WDR73: variants seen among roughly 807,000 people sequenced by gnomAD.
WDR73 encodes WD repeat domain 73, also known as integrator complex assembly factor WDR73.
WDR73 carries 30 observed loss-of-function variants against 38.2 expected under a neutral mutation model. The ratio of observed to expected loss-of-function variants is 0.79; its 90% CI spans 0.59 to 1.06. The LOEUF (loss-of-function observed/expected upper bound fraction) is 1.06. Ranked by LOEUF, WDR73 falls within the 50% of genes least tolerant of loss-of-function variation. WDR73 has a pLI of 0.00. For missense variants in WDR73, 487 were observed against 467.0 expected (o/e 1.04, Z -0.40); for synonymous variants, 197 against 176.0 (o/e 1.12, Z -0.94).
rs1253447388 is a variant in WDR73, at chr15:84,648,615, G to C, written c.209C>G (p.Pro70Arg). 6.2e-7 allele frequency: 1 copy of C among 1,613,358 alleles called. No homozygotes were observed. Among genetic ancestry groups the C allele is most frequent in the African/African-American group, 1.3e-5 (1 of 74,910 alleles). Residue 70 changes from proline to arginine, a missense_variant, in exon 4 of 8, where the codon CCA (proline) becomes CGA (arginine). Pro to Arg is a moderately radical substitution (Grantham distance 103). Transcript: ENST00000434634. ...ATGGCGCACTTTGAAATCTCTTTCT[G>C]GGAATAAGCCCTAAAATACAAAGGA... is the stretch of plus-strand genomic sequence containing the variant. ...LSVKENKGLF[P>R]ERDFKVRHGG... is the part of the protein sequence containing the mutation.
chr15:84,646,552 T>C (rs1446856445), intron 5 of WDR73: 12 of 794,960 alleles, frequency 1.5e-5, no homozygotes, highest in Non-Finnish European at 2.2e-5. Flanking sequence ...TTCTTTATTA[T>C]TTGTCTTATA....
intron 5 of WDR73, 115 bp downstream of exon 5, chr15:84,647,775 G>T: frequency 9.8e-7 from 1 of 1,016,426 alleles, no homozygotes; most frequent in Non-Finnish European, 1.5e-6. Flanking sequence ...ACAATTACAG[G>T]CATGAGACTG....
At position 84,648,996 on chromosome 15, in the gene WDR73, C is replaced by T. The variant is rs141323112; in HGVS notation, c.199-371G>A. ...CTGGAAGTCAGGTGGGTTCCTCTAA[C>T]GATAAAAATTAACAATTACAACTTA... On this transcript the variant is annotated intron_variant, in intron 3 of 7. Transcript: ENST00000434634. 4.0e-3 allele frequency among the ~76,000 whole-genome samples: 610 copies of T among 152,298 alleles called. 3 individuals carry two copies. The highest frequency in any genetic ancestry group is 0.014 in the African/African-American group (576 of 41,558).
chr15:84,652,473 TA>T (rs1896654629), intron 3 of WDR73, among the ~76,000 whole-genome samples: 1 of 152,184 alleles, frequency 6.6e-6, no homozygotes, highest in African/African-American at 2.4e-5. Flanking sequence ...AATCGCTCCC[TA>T]AATCTATTTC....
Position 84,643,677 on chromosome 15 carries a change from T to G in WDR73, c.930A>C (p.Gly310=). ...VQVYDATSWD[G]TRSQDGTRSQ... ...TCCGTGTTCCATCTTGGCTCCGTGT[T>G]CCATCCCAAGATGTGGCATCATAGA... is the stretch of plus-strand genomic sequence containing the variant. The change falls in exon 8 of 8, where the codon GGA becomes GGC. Residue 310 remains glycine, a synonymous_variant. Coordinates refer to ENST00000434634, the MANE Select transcript of WDR73 (RefSeq NM_032856.5). The G allele has an allele frequency of 6.6e-7, 1 of 1,518,808 alleles. No individual in the cohort carries two copies. The highest frequency in any genetic ancestry group is 1.2e-5 in the South Asian group (1 of 84,626). The allele number at this position is 1,518,808 out of a possible 1,614,324, so 94.1% of individuals were successfully genotyped here.
Position 84,643,607 on chromosome 15 carries a change from C to G in WDR73, c.1000G>C (p.Asp334His), listed in dbSNP as rs1306561580. 1 of 1,612,864 alleles carries G rather than the reference C, an allele frequency of 6.2e-7. No homozygotes were observed. The highest frequency in any genetic ancestry group is 2.2e-5 in the East Asian group (1 of 44,864). The change falls in exon 8 of 8, where the codon GAT becomes CAT. Residue 334 changes from aspartate to histidine, a missense_variant. Asp to His is a moderately conservative substitution (Grantham distance 81). Transcript: ENST00000434634. ...LFTHRGHIFL[D>H]GNGMDPAPLV... ...GGAGCAGGGTCCATCCCATTTCCAT[C>G]TAGGAAGATGTGACCTCTGTGAGTG...
intron 1 of WDR73, chr15:84,653,993 T>C: frequency 1.6e-6 from 1 of 608,414 alleles, no homozygotes; most frequent in East Asian, 2.8e-5. Context: ...GCAAACTAAC[T>C]GGGCACTGCG....
intron 3 of WDR73, among the ~76,000 whole-genome samples, chr15:84,652,489 A>G (rs773461632): frequency 6.0e-4 from 92 of 152,178 alleles, no homozygotes; most frequent in Admixed American, 3.3e-4. Flanking sequence ...TATTTCTGAT[A>G]AAGTATAACT....
chr15:84,652,444 G>A (rs1402546289), intron 3 of WDR73, among the ~76,000 whole-genome samples: 1 of 151,908 alleles, frequency 6.6e-6, no homozygotes, highest in Admixed American at 6.6e-5. Flanking sequence ...TACGCATTTC[G>A]ACCGCCCTCT....
chr15:84,651,144 G>A (rs1462665701), intron 3 of WDR73, among the ~76,000 whole-genome samples: 2 of 151,214 alleles, frequency 1.3e-5, no homozygotes, highest in South Asian at 2.1e-4. Context: ...GAAGTTTGGG[G>A]CCAGGAGTGA....
At chr15:84,650,840 T>TAA (rs1596055045) in intron 3 of WDR73, among the ~76,000 whole-genome samples, 1 of 151,800 alleles carries the variant, frequency 6.6e-6, no homozygotes, top group Non-Finnish European at 1.5e-5. Flanking sequence ...CAAAACAAAA[T>TAA]AAAAAAGGCC....
Position 84,643,178 on chromosome 15 carries a change from G to C in WDR73, c.*292C>G. The C allele has an allele frequency of 2.4e-6, 1 of 415,240 alleles. No individual in the cohort carries two copies. Among genetic ancestry groups the C allele is most frequent in the Non-Finnish European group, 4.4e-6 (1 of 229,602 alleles). 25.7% of individuals were successfully genotyped at this position (415,240 alleles called of 1,614,324 possible). A position where few individuals can be genotyped will look rare whatever the true frequency, so the allele number is the denominator to read the frequency against. On this transcript the variant is annotated 3_prime_UTR_variant, in exon 8 of 8. Transcript: ENST00000434634. ...TGTTAGCTCTTTTGATTCTCCCTAT[G>C]ATAGTGTGAAGACAGGGACAAAACG...
At chr15:84,651,622 C>T (rs144844784) in intron 3 of WDR73, among the ~76,000 whole-genome samples, 2 of 152,318 alleles carry the variant, frequency 1.3e-5, no homozygotes, top group South Asian at 2.1e-4. Context: ...TTTTCACCCT[C>T]TCCCTCTTCA....
At position 84,642,018 on chromosome 15, in the gene WDR73, A is replaced by T. The variant is rs1399251090; in HGVS notation, c.*1452T>A. 6.6e-6 allele frequency: 1 copy of T among 151,994 alleles called. No homozygotes were observed. Among genetic ancestry groups the T allele is most frequent in the Non-Finnish European group, 1.5e-5 (1 of 67,994 alleles). 9.4% of individuals were successfully genotyped at this position (151,994 alleles called of 1,614,324 possible). On this transcript the variant is annotated 3_prime_UTR_variant, in exon 8 of 8. Transcript: ENST00000434634. ...CTTGACCTGAATTTTAACTGCAGTT[A>T]ATTATCACTTAACCAGCGAATTCAC...
intron 4 of WDR73, 99 bp downstream of exon 4, chr15:84,648,438 G>C (rs1896529696): frequency 6.2e-6 from 5 of 804,518 alleles, no homozygotes; most frequent in Non-Finnish European, 1.1e-5. Context: ...TGTGTGCTGA[G>C]GGGGTGGGAA....
At chr15:84,652,642 A>G (rs765533565) in intron 3 of WDR73, 72 bp downstream of exon 3, 1 of 930,842 alleles carries the variant, frequency 1.1e-6, no homozygotes, top group African/African-American at 1.7e-5. Context: ...TACCTGGTAG[A>G]TAACAGGAGC....
Position 84,646,428 on chromosome 15 carries a change from G to A in WDR73, c.353-80C>T, listed in dbSNP as rs576817358. 3.9e-6 allele frequency: 6 copies of A among 1,522,230 alleles called. 1 individual carries two copies. In the African/African-American group the frequency reaches 6.9e-5, roughly 18 times the overall value. The allele number at this position is 1,522,230 out of a possible 1,614,324, so 94.3% of individuals were successfully genotyped here. A position where few individuals can be genotyped will look rare whatever the true frequency, so the allele number is the denominator to read the frequency against. The stretch of plus-strand genomic sequence containing the variant: ...GACAGGCTGCCAGCTGTCTTCCCCT[G>A]TACATTTAGAAGATCAAGGAAGAAA... On this transcript the variant is annotated intron_variant, in intron 5 of 7. Coordinates refer to ENST00000434634, the MANE Select transcript of WDR73 (RefSeq NM_032856.5).
chr15:84,654,072 G>C (rs764382526), intron 1 of WDR73, 162 bp downstream of exon 1: 5 of 912,188 alleles, frequency 5.5e-6, no homozygotes, highest in Non-Finnish European at 8.5e-6. Flanking sequence ...ATTTCCTAGA[G>C]ATGGGGGCCT....
Position 84,645,501 on chromosome 15 carries a change from G to T in WDR73, c.853C>A (p.Pro285Thr). The T allele has an allele frequency of 6.2e-7, 1 of 1,612,376 alleles. No homozygotes were observed. Among genetic ancestry groups the T allele is most frequent in the East Asian group, 2.2e-5 (1 of 44,816 alleles). ...ATGGCCAAGCAATTCTTCAGGCCTG[G>T]GGCCCAAGTCACTCGCAGCAGCTCT... ...DPELLRVTWA[P>T]GLKNCLAISG... The change falls in exon 7 of 8, where the codon CCA becomes ACA. Residue 285 changes from proline to threonine, a missense_variant. Pro to Thr is a conservative substitution (Grantham distance 38, BLOSUM62 -1). Coordinates refer to ENST00000434634, the MANE Select transcript of WDR73 (RefSeq NM_032856.5).
Sources: gnomAD v4.1 joint callset for allele counts (sites outside exome capture counted in the v4.1 genomes callset) on GRCh38, gnomAD v4.1.1 for gene constraint, MANE v1.5 for transcripts, NCBI Gene and HGNC (gene_info 2026-07-23, HGNC 2026-07-21) for gene names.